Variants in ARHGEF40 observed in about 807,000 individuals in gnomAD.
ARHGEF40 encodes the protein Rho guanine nucleotide exchange factor 40, also known as Rho guanine nucleotide exchange factor (GEF) 40.
A neutral mutation model predicts 165.9 loss-of-function variants in ARHGEF40; 98 were observed. The ratio of observed to expected loss-of-function variants is 0.59; its 90% CI spans 0.50 to 0.70. The LOEUF is 0.70. Among genes scored for constraint, ARHGEF40 ranks in the 30% least tolerant of loss-of-function variants. The probability of loss-of-function intolerance (pLI) is 0.00; values close to 1 mark genes in which losing one functional copy is unlikely to be tolerated. For missense variants in ARHGEF40, 1,815 were observed against 1,968.0 expected, an observed-to-expected ratio of 0.92 and a Z score of 1.47; for synonymous variants, 792 against 814.3, an observed-to-expected ratio of 0.97 and a Z score of 0.47.
chr14:21,063,685 A>T, the ARHGEF40 span, among the ~76,000 whole-genome samples: 1 of 152,172 alleles, frequency 6.6e-6, no homozygotes, highest in Non-Finnish European at 1.5e-5. Context: ...TGCCAATGAG[A>T]GCTGAGGCCA....
At position 21,088,010 on chromosome 14, in the gene ARHGEF40, C is replaced by A. The variant is rs1178855745; in HGVS notation, c.4430C>A (p.Pro1477Gln). The A allele has an allele frequency of 6.2e-7, 1 of 1,613,994 alleles. No homozygotes were observed. Among genetic ancestry groups the A allele is most frequent in the Non-Finnish European group, 8.5e-7 (1 of 1,180,026 alleles). ...LDSSGDVSPGPRNSPSLQPPH... is the reference protein window; with the variant it reads ...LDSSGDVSPGQRNSPSLQPPH... ...TCTTCTGGAGATGTGTCCCCAGGAC[C>A]AAGAAACAGCCCCAGCCTGCAACCC... Residue 1477 changes from proline to glutamine, a missense_variant, in exon 22 of 24, where the codon CCA becomes CAA. Pro to Gln is a moderately conservative substitution (Grantham distance 76). Transcript: ENST00000298694.
chr14:21,064,821 T>C, the ARHGEF40 span, among the ~76,000 whole-genome samples: 1 of 152,148 alleles, frequency 6.6e-6, no homozygotes, highest in Non-Finnish European at 1.5e-5. Context: ...TCCTCCAGAC[T>C]CTTCTACTAC....
intron 13 of ARHGEF40, 67 bp from the exon 14 acceptor site, chr14:21,081,442 G>T (rs1887883670): frequency 7.0e-6 from 11 of 1,567,882 alleles, no homozygotes; most frequent in Non-Finnish European, 9.5e-6. Context: ...CTGTCACTGG[G>T]CATCCTTCGT....
chr14:21,084,888 G>T lies in ARHGEF40; in HGVS notation c.3925G>T (p.Gly1309Trp). The T allele has an allele frequency of 6.2e-7, 1 of 1,614,138 alleles. No homozygotes were observed. The highest frequency in any genetic ancestry group is 8.5e-7 in the Non-Finnish European group (1 of 1,180,024). ...LFSKLKGPEG[G>W]SEMFVYKQAF... ...CAGCAAGCTCAAGGGCCCTGAAGGG[G>T]GGTCAGAGATGTTTGTTTACAAGCA... Residue 1309 changes from glycine (G) to tryptophan (W), a missense_variant, in exon 18 of 24, where the codon GGG becomes TGG. Gly to Trp is a radical substitution (Grantham distance 184). Transcript: ENST00000298694.
intron 13 of ARHGEF40, 116 bp downstream of exon 13, chr14:21,081,132 G>A (rs1887856326): frequency 6.7e-7 from 1 of 1,487,374 alleles, no homozygotes; most frequent in Non-Finnish European, 9.0e-7. Flanking sequence ...CATCTCCTAG[G>A]TTTTTGCTCT....
Position 21,070,812 on chromosome 14 carries a change from G to A in ARHGEF40, c.3+413G>A, listed in dbSNP as rs1488294534. ...ACCCTGGAAGAGGCCCGGCCCCTCG[G>A]GTCATGAGAACTGACCTGCATGGAA... On this transcript the variant is annotated intron_variant, in intron 1 of 23. Coordinates refer to ENST00000298694, the MANE Select transcript of ARHGEF40 (RefSeq NM_018071.5). This position sits in a 1 kb window ranked among gnomAD's most constrained non-coding sequence, Gnocchi z 4.7. The A allele has an allele frequency of 6.5e-7, 1 of 1,535,584 alleles. No homozygotes were observed. Among genetic ancestry groups the A allele is most frequent in the East Asian group, 2.4e-5 (1 of 40,870 alleles).
At chr14:21,065,914 C>A (rs1886238738), upstream of ARHGEF40, among the ~76,000 whole-genome samples, 1 of 152,170 alleles carries the variant, frequency 6.6e-6, no homozygotes, top group South Asian at 2.1e-4. Flanking sequence ...GCCTGGCCAA[C>A]ATGGTGAAAC....
At chr14:21,076,737 G>A in intron 7 of ARHGEF40, 37 bp from the exon 8 acceptor site, 7 of 1,610,010 alleles carry the variant, frequency 4.3e-6, no homozygotes, top group African/African-American at 1.3e-5. Context: ...GAGTCCTTGG[G>A]TGCCCAGGAA....
Position 21,070,445 on chromosome 14 carries a change from A to G in ARHGEF40, c.3+46A>G. On this transcript the variant is annotated intron_variant, in intron 1 of 23. Coordinates refer to ENST00000298694, the MANE Select transcript of ARHGEF40 (RefSeq NM_018071.5). This position sits in a 1 kb window ranked among gnomAD's most constrained non-coding sequence, Gnocchi z 4.7. ...CCCTGGGTCCCCTCGGCCTTCGCGCAGCCCGCTCCGGGCCCCCAAGTCCTC... is the reference window on the plus strand; with the variant it reads ...CCCTGGGTCCCCTCGGCCTTCGCGCGGCCCGCTCCGGGCCCCCAAGTCCTC... 7.4e-7 allele frequency: 1 copy of G among 1,358,708 alleles called. No individual in the cohort carries two copies. The highest frequency in any genetic ancestry group is 9.4e-7 in the Non-Finnish European group (1 of 1,061,598). The allele number at this position is 1,358,708 out of a possible 1,614,324, so 84.2% of individuals were successfully genotyped here.
chr14:21,071,761 C>CG (rs1164850012), intron 1 of ARHGEF40, among the ~76,000 whole-genome samples: 1 of 152,230 alleles, frequency 6.6e-6, no homozygotes, highest in Non-Finnish European at 1.5e-5. Context: ...GCCTCACCCC[C>CG]GCCCATCTCC....
Position 21,072,967 on chromosome 14 carries a change from A to G in ARHGEF40, c.4-78A>G, listed in dbSNP as rs1300506429. The G allele has an allele frequency of 4.8e-6, 7 of 1,443,732 alleles. No homozygotes were observed. In the East Asian group the frequency reaches 1.6e-4, roughly 33 times the overall value. The allele number at this position is 1,443,732 out of a possible 1,614,324, so 89.4% of individuals were successfully genotyped here. The stretch of plus-strand genomic sequence containing the variant: ...ATCGGGGCTTTGGAGAACACAGCCA[A>G]CCCCAGACCAGTGCAGCTCCCAAGG... On this transcript the variant is annotated intron_variant, in intron 1 of 23. Transcript: ENST00000298694. The surrounding 1 kb of genome is among the most constrained non-coding windows in gnomAD (Gnocchi z 4.1).
the ARHGEF40 span, among the ~76,000 whole-genome samples, chr14:21,063,954 A>T: frequency 6.6e-6 from 1 of 152,228 alleles, no homozygotes; most frequent in Non-Finnish European, 1.5e-5. Flanking sequence ...CTGCTTCTTT[A>T]TAACTGCAAC....
chr14:21,076,619 T>C lies in ARHGEF40; in HGVS notation c.1893T>C (p.Leu631=). 6.2e-7 allele frequency: 1 copy of C among 1,614,218 alleles called. No individual in the cohort carries two copies. The highest frequency in any genetic ancestry group is 2.2e-5 in the East Asian group (1 of 44,888). Residue 631 remains leucine (L), a synonymous_variant, in exon 7 of 24, where the codon CTT becomes CTC. Coordinates refer to ENST00000298694, the MANE Select transcript of ARHGEF40 (RefSeq NM_018071.5). ...TGCTGATTCTCATTCATGATGACCT[T>C]CCAACTGAACTCTGTGGATTTCAGG... is the stretch of plus-strand genomic sequence containing the variant. The part of the protein sequence containing the change: ...QRLLILIHDD[L]PTELCGFQGA...
At chr14:21,077,821 T>C (rs530755315) in intron 8 of ARHGEF40, among the ~76,000 whole-genome samples, 1 of 152,168 alleles carries the variant, frequency 6.6e-6, no homozygotes, top group African/African-American at 2.4e-5. Flanking sequence ...AAAGGGGAAA[T>C]TGACATGAAT....
chr14:21,075,070 A>T lies in ARHGEF40; in HGVS notation c.1340A>T (p.Glu447Val), dbSNP rs1887293489. The change falls in exon 3 of 24, where the codon GAG becomes GTG. Residue 447 changes from glutamate to valine, a missense_variant. Glu to Val is a moderately radical substitution (Grantham distance 121). Coordinates refer to ENST00000298694, the MANE Select transcript of ARHGEF40 (RefSeq NM_018071.5). The surrounding 1 kb of genome is among the most constrained non-coding windows in gnomAD (Gnocchi z 4.5). ...GSGKPESEPK[E>V]LKTAGEKEPQ... ...GGGAAGCCAGAATCTGAGCCAAAAGAGCTCAAAACAGCAGGCGAGAAAGAG... is the reference window on the plus strand; with the variant it reads ...GGGAAGCCAGAATCTGAGCCAAAAGTGCTCAAAACAGCAGGCGAGAAAGAG... 1 of 1,614,022 alleles carries T rather than the reference A, an allele frequency of 6.2e-7. No homozygotes were observed. Among genetic ancestry groups the T allele is most frequent in the Non-Finnish European group, 8.5e-7 (1 of 1,180,040 alleles).
At chr14:21,083,061 A>G in intron 16 of ARHGEF40, 144 bp downstream of exon 16, 2 of 743,438 alleles carry the variant, frequency 2.7e-6, no homozygotes, top group Non-Finnish European at 4.5e-6. Context: ...CGAGGGTGGG[A>G]CAAGCACCGG....
chr14:21,082,682 C>T, intron 15 of ARHGEF40, 149 bp from the exon 16 acceptor site: 2 of 1,005,196 alleles, frequency 2.0e-6, no homozygotes, highest in Non-Finnish European at 2.9e-6. Context: ...ATGCTCTCTC[C>T]ACAGGGAGCC....
chr14:21,073,267 T>G lies in ARHGEF40; in HGVS notation c.201+25T>G. On this transcript the variant is annotated intron_variant, in intron 2 of 23. Coordinates refer to ENST00000298694, the MANE Select transcript of ARHGEF40 (RefSeq NM_018071.5). This position sits in a 1 kb window ranked among gnomAD's most constrained non-coding sequence, Gnocchi z 4.6. Reference sequence around the variant, plus strand: ...TGTGAGTGGCCGTGCATCACTATTCTGCCTTCCCCAAGATCCACTGCCACA... The same window carrying G: ...TGTGAGTGGCCGTGCATCACTATTCGGCCTTCCCCAAGATCCACTGCCACA... The G allele has an allele frequency of 6.4e-7, 1 of 1,573,492 alleles. No individual in the cohort carries two copies. Among genetic ancestry groups the G allele is most frequent in the East Asian group, 2.4e-5 (1 of 42,512 alleles).
At chr14:21,065,904 G>C (rs1886237625), upstream of ARHGEF40, among the ~76,000 whole-genome samples, 1 of 152,174 alleles carries the variant, frequency 6.6e-6, no homozygotes, top group South Asian at 2.1e-4. Context: ...TTTGAGACCA[G>C]CCTGGCCAAC....
Sources: allele counts gnomAD v4.1 joint callset (sites outside exome capture counted in the v4.1 genomes callset), GRCh38; gene constraint gnomAD v4.1.1; non-coding constraint Gnocchi (gnomAD v3.1); transcripts MANE v1.5; gene names NCBI Gene and HGNC (gene_info 2026-07-23, HGNC 2026-07-21).